The following FGF13 variants were observed in gnomAD, a reference collection of about 807,000 sequenced individuals.
FGF13 encodes the protein fibroblast growth factor 13.
Under a neutral mutation model 19.5 loss-of-function variants are expected in FGF13, and 2 were observed. The observed-to-expected ratio is 0.10, with a 90% confidence interval of 0.04 to 0.32. FGF13 has a LOEUF of 0.32. Among genes scored for constraint, FGF13 ranks in the 10% least tolerant of loss-of-function variants. The pLI is 1.00. For synonymous variants in FGF13, 72 were observed against 76.9 expected (o/e 0.94, Z 0.33); for missense variants, 113 against 192.7 (o/e 0.59, Z 2.45).
intron 3 of FGF13, among the ~76,000 whole-genome samples, chrX:138,793,901 T>C (rs750158100): frequency 8.9e-5 from 10 of 112,094 alleles, no homozygotes; most frequent in East Asian, 5.6e-4. Flanking sequence ...TGCAATATCA[T>C]TGACACAAAA....
Position 139,165,296 on chromosome X carries a change from C to CAT in FGF13, c.-113+38118_-113+38119dup, listed in dbSNP as rs1408406226. Among the ~76,000 whole-genome samples the CAT allele has an allele frequency of 1.8e-5, 2 of 111,756 alleles. 1 individual carries two copies. Among genetic ancestry groups the CAT allele is most frequent in the African/African-American group, 6.5e-5 (2 of 30,702 alleles). On this transcript the variant is annotated intron_variant, in intron 1 of 2. Transcript: ENST00000421460. Reference sequence around the variant, plus strand: ...GATGATGATTGGCTACTTTTAACCACATAAAGTGAGATGCAAAAGGAAAGA... The same window carrying CAT: ...GATGATGATTGGCTACTTTTAACCACATATAAAGTGAGATGCAAAAGGAAAGA...
At chrX:139,047,414 T>C (rs1284337820) in intron 1 of FGF13, among the ~76,000 whole-genome samples, 1 of 111,394 alleles carries the variant, frequency 9.0e-6, no homozygotes, top group Non-Finnish European at 1.9e-5. Context: ...TTTTTTTTAT[T>C]ATACTTTAAG....
intron 3 of FGF13, among the ~76,000 whole-genome samples, chrX:138,654,602 G>A (rs141405230): frequency 1.8e-5 from 2 of 111,130 alleles, no homozygotes; most frequent in East Asian, 5.7e-4. Flanking sequence ...TCATCTGGGC[G>A]TGGTGGCACT....
intron 1 of FGF13, among the ~76,000 whole-genome samples, chrX:138,928,943 T>C (rs1251546045): frequency 1.8e-5 from 2 of 112,176 alleles, no homozygotes; most frequent in Admixed American, 9.5e-5. Flanking sequence ...CAAACACATG[T>C]GTTCAGGTCA....
chrX:139,064,837 A>T (rs1325554247), intron 1 of FGF13, among the ~76,000 whole-genome samples: 1 of 111,509 alleles, frequency 9.0e-6, no homozygotes, highest in Non-Finnish European at 1.9e-5. Flanking sequence ...CTTTTCACAT[A>T]GTCCCAAATT....
At chrX:138,683,778 A>C (rs1432034835) in intron 3 of FGF13, among the ~76,000 whole-genome samples, 1 of 111,931 alleles carries the variant, frequency 8.9e-6, no homozygotes, top group Non-Finnish European at 1.9e-5. Context: ...AGGAAATGTG[A>C]CATTTTCCAT....
chrX:138,985,747 G>A (rs1483757107), intron 1 of FGF13, among the ~76,000 whole-genome samples: 1 of 112,037 alleles, frequency 8.9e-6, no homozygotes, highest in African/African-American at 3.2e-5. Context: ...AACTATTGTT[G>A]TTAGAAAATA....
At chrX:138,940,979 G>A (rs780629240) in intron 1 of FGF13, among the ~76,000 whole-genome samples, 1 of 111,368 alleles carries the variant, frequency 9.0e-6, no homozygotes, top group Admixed American at 9.6e-5. Context: ...TTATCTCAAC[G>A]CATGCAGAGA....
intron 1 of FGF13, among the ~76,000 whole-genome samples, chrX:139,165,456 G>C (rs2084075813): frequency 8.9e-6 from 1 of 111,748 alleles, no homozygotes; most frequent in Non-Finnish European, 1.9e-5. Context: ...AAAGAGATTG[G>C]TAGGGCTAGA....
chrX:139,128,338 C>T lies in FGF13; in HGVS notation c.-113+75078G>A, dbSNP rs767275577. The stretch of plus-strand genomic sequence containing the variant: ...AATCTCTAAAGGCCTAGAATGCATA[C>T]TCTCGGCAGTAACTACGACACCAAT... On this transcript the variant is annotated intron_variant, in intron 1 of 2. Transcript: ENST00000421460. 3.6e-5 allele frequency among the ~76,000 whole-genome samples: 4 copies of T among 111,794 alleles called. No individual in the cohort carries two copies. The East Asian group carries it at 1.1e-3, about 32-fold the overall frequency.
At position 138,993,669 on chromosome X, in the gene FGF13, C is replaced by A. The variant is rs147036618; in HGVS notation, c.-112-129019G>T. 6.7e-3 allele frequency among the ~76,000 whole-genome samples: 743 copies of A among 111,676 alleles called. 4 individuals carry two copies. Among genetic ancestry groups the A allele is most frequent in the Middle Eastern group, 0.019 (4 of 214 alleles). ...CATCAAAATAACAGATACATAGGAA[C>A]CAGACAAACGAAATTCTCGCTGCTT... On this transcript the variant is annotated intron_variant, in intron 1 of 2. Transcript: ENST00000421460.
In FGF13 at chrX:138,788,066, G is replaced by A. The variant is rs1406098758; in HGVS notation, c.217+69446C>T. Among the ~76,000 whole-genome samples, 2 of 111,665 alleles carry A rather than the reference G, an allele frequency of 1.8e-5. 1 individual carries two copies. Reference sequence around the variant, plus strand: ...TTCAACTCCAAAGTCTCATCTAAATGTCATCTAAATCAGATATGGATGAGA... The same window carrying A: ...TTCAACTCCAAAGTCTCATCTAAATATCATCTAAATCAGATATGGATGAGA... On this transcript the variant is annotated intron_variant, in intron 3 of 6. Transcript: ENST00000436198.
intron 4 of FGF13, among the ~76,000 whole-genome samples, chrX:138,634,268 C>T (rs1294251132): frequency 8.9e-6 from 1 of 111,745 alleles, no homozygotes; most frequent in African/African-American, 3.3e-5. Flanking sequence ...GATCTCAGCT[C>T]GCTGTAAGCT....
At chrX:139,116,716 C>T (rs1345557621) in intron 1 of FGF13, among the ~76,000 whole-genome samples, 1 of 110,632 alleles carries the variant, frequency 9.0e-6, no homozygotes, top group East Asian at 2.8e-4. Flanking sequence ...AGCACTGTGT[C>T]ATGTTCACCA....
chrX:138,696,359 G>C (rs1273470956), intron 3 of FGF13, among the ~76,000 whole-genome samples: 1 of 111,983 alleles, frequency 8.9e-6, no homozygotes, highest in Non-Finnish European at 1.9e-5. Context: ...CTACTAATTG[G>C]TATAATTTCT....
intron 1 of FGF13, among the ~76,000 whole-genome samples, chrX:138,928,437 G>A (rs2091684675): frequency 9.0e-6 from 1 of 110,755 alleles, no homozygotes; most frequent in Non-Finnish European, 1.9e-5. Flanking sequence ...TATATCTAGA[G>A]AGGTGAGAGT....
chrX:139,151,073 G>T (rs147647250), intron 1 of FGF13, among the ~76,000 whole-genome samples: 151 of 109,023 alleles, frequency 1.4e-3, no homozygotes, highest in Non-Finnish European at 2.4e-3. Flanking sequence ...GTCTCCAAAG[G>T]GTTGAAGTTG....
intron 1 of FGF13, among the ~76,000 whole-genome samples, chrX:139,168,221 G>A (rs2084101452): frequency 9.0e-6 from 1 of 111,711 alleles, no homozygotes; most frequent in South Asian, 3.8e-4. Flanking sequence ...ATTCGATCAA[G>A]GTTTAATAAG....
rs772067699 is a variant in FGF13, at chrX:138,888,265, GA to G, written c.-112-23616del. ...CTTTGCAAGTCCTATTATTTATCAG[GA>G]AAAATGCACTATAAAATATTCTCAG... On this transcript the variant is annotated intron_variant, in intron 1 of 2. Transcript: ENST00000421460. Among the ~76,000 whole-genome samples the G allele has an allele frequency of 7.2e-5, 8 of 111,803 alleles. No homozygotes were observed. In the East Asian group the frequency reaches 2.0e-3, roughly 28 times the overall value.
Sources: gnomAD v4.1 joint callset for allele counts (sites outside exome capture counted in the v4.1 genomes callset) on GRCh38, gnomAD v4.1.1 for gene constraint, MANE v1.5 for transcripts, NCBI Gene and HGNC (gene_info 2026-07-23, HGNC 2026-07-21) for gene names.